Variants in CADM2 observed in about 807,000 individuals in gnomAD.
The protein encoded by CADM2 is cell adhesion molecule 2.
In CADM2, 12 loss-of-function variants were observed where a neutral mutation model predicts 49.8. That is an observed-to-expected ratio of 0.24 (90% CI 0.15 to 0.39). The LOEUF (loss-of-function observed/expected upper bound fraction) is 0.39, where lower values mean the gene tolerates loss of function less well. CADM2 is among the 10% of genes least tolerant of loss of function. The pLI is 1.00. For missense variants in CADM2, 378 were observed against 492.3 expected (o/e 0.77, Z 2.20); for synonymous variants, 214 against 175.4 (o/e 1.22, Z -1.74).
At chr3:85,066,330 G>A (rs2036528625) in intron 1 of CADM2, among the ~76,000 whole-genome samples, 1 of 151,574 alleles carries the variant, frequency 6.6e-6, no homozygotes, top group Non-Finnish European at 1.5e-5. Context: ...GACATGGTGG[G>A]TGGACCAATA....
chr3:85,542,317 G>A (rs1449403), intron 1 of CADM2, among the ~76,000 whole-genome samples: 12,480 of 152,080 alleles, frequency 0.082, 697 homozygotes, highest in South Asian at 0.17. Flanking sequence ...CCCAAAAGGA[G>A]TTTACCTAAA....
At chr3:85,755,568 A>G (rs1432957458) in intron 2 of CADM2, among the ~76,000 whole-genome samples, 1 of 152,136 alleles carries the variant, frequency 6.6e-6, no homozygotes, top group African/African-American at 2.4e-5. Flanking sequence ...TAAAGAAAAA[A>G]GTTTAATTGG....
At position 85,440,368 on chromosome 3, in the gene CADM2, G is replaced by A. The variant is rs538577593; in HGVS notation, c.62-286154G>A. 5.8e-4 allele frequency among the ~76,000 whole-genome samples: 88 copies of A among 152,180 alleles called. 1 individual carries two copies. Among genetic ancestry groups the A allele is most frequent in the Non-Finnish European group, 4.4e-4 (30 of 68,002 alleles). Reference sequence around the variant, plus strand: ...TTAACCTCTCCAGCCTTAGGTTTCCGACTGTAAAGTTAGTAGGTTGAACTG... The same window carrying A: ...TTAACCTCTCCAGCCTTAGGTTTCCAACTGTAAAGTTAGTAGGTTGAACTG... On this transcript the variant is annotated intron_variant, in intron 1 of 9. Transcript: ENST00000383699.
chr3:85,431,490 A>G (rs1283130726), intron 1 of CADM2, among the ~76,000 whole-genome samples: 1 of 152,124 alleles, frequency 6.6e-6, no homozygotes, highest in East Asian at 1.9e-4. Context: ...AGGAACATAT[A>G]TCACAAGATT....
chr3:85,954,666 G>A (rs534688795), intron 7 of CADM2, among the ~76,000 whole-genome samples: 2 of 151,156 alleles, frequency 1.3e-5, no homozygotes, highest in Non-Finnish European at 3.0e-5. Flanking sequence ...CTAAGCTAAA[G>A]TTTGTTCAGG....
chr3:85,346,234 C>A (rs910302770), intron 1 of CADM2, among the ~76,000 whole-genome samples: 11 of 152,128 alleles, frequency 7.2e-5, no homozygotes, highest in Admixed American at 4.6e-4. Context: ...GTCTTAGTAA[C>A]CATGATAAGT....
intron 1 of CADM2, among the ~76,000 whole-genome samples, chr3:85,006,190 G>C (rs2033717857): frequency 6.6e-6 from 1 of 152,090 alleles, no homozygotes; most frequent in Admixed American, 6.6e-5. Flanking sequence ...CAAACTTAGA[G>C]CTGACTCTGA....
chr3:85,821,993 G>A (rs1364618626), intron 3 of CADM2, among the ~76,000 whole-genome samples: 1 of 152,112 alleles, frequency 6.6e-6, no homozygotes, highest in Non-Finnish European at 1.5e-5. Context: ...ACAAAGTTAT[G>A]AGAGAAACAG....
At chr3:84,969,647 A>C (rs1245310730) in intron 1 of CADM2, among the ~76,000 whole-genome samples, 1 of 151,890 alleles carries the variant, frequency 6.6e-6, no homozygotes, top group Non-Finnish European at 1.5e-5. Context: ...AGTACTCCAA[A>C]TAGAATAAAT....
At chr3:86,014,106 C>T in intron 8 of CADM2, 1 of 1,286,788 alleles carries the variant, frequency 7.8e-7, no homozygotes, top group Non-Finnish European at 1.1e-6. Context: ...GGAAATCTGC[C>T]ATTTTCAGTG....
chr3:85,295,797 G>A (rs1262416615), intron 1 of CADM2, among the ~76,000 whole-genome samples: 1 of 152,010 alleles, frequency 6.6e-6, no homozygotes, highest in African/African-American at 2.4e-5. Context: ...GGAGAGGGGA[G>A]GGATAGCATT....
chr3:85,851,131 C>T (rs1177081805), intron 3 of CADM2, among the ~76,000 whole-genome samples: 1 of 152,092 alleles, frequency 6.6e-6, no homozygotes, highest in Non-Finnish European at 1.5e-5. Flanking sequence ...CACACTAAAA[C>T]ATTTTAATTG....
chr3:84,970,067 T>TTA (rs869106505), intron 1 of CADM2, among the ~76,000 whole-genome samples: 94 of 145,898 alleles, frequency 6.4e-4, no homozygotes, highest in Admixed American at 2.1e-3. Flanking sequence ...TTTTTTTTTT[T>TTA]ACTGCCAAGC....
chr3:85,761,915 G>A (rs1228372362), intron 2 of CADM2, among the ~76,000 whole-genome samples: 1 of 152,132 alleles, frequency 6.6e-6, no homozygotes, highest in Non-Finnish European at 1.5e-5. Context: ...CAACAGGTAG[G>A]GAAATGAGAG....
chr3:85,449,860 G>A (rs890454920), intron 1 of CADM2, among the ~76,000 whole-genome samples: 2 of 152,096 alleles, frequency 1.3e-5, no homozygotes, highest in African/African-American at 4.8e-5. Flanking sequence ...TAGTAGTGAC[G>A]TTGACAATAC....
At chr3:85,925,857 G>T (rs1719759581) in intron 6 of CADM2, among the ~76,000 whole-genome samples, 1 of 152,060 alleles carries the variant, frequency 6.6e-6, no homozygotes, top group Admixed American at 6.6e-5. Context: ...AAGAAAATAG[G>T]CCGGGCACAG....
intron 3 of CADM2, among the ~76,000 whole-genome samples, chr3:85,807,265 G>A (rs1205274994): frequency 6.6e-6 from 1 of 152,132 alleles, no homozygotes; most frequent in Non-Finnish European, 1.5e-5. Context: ...TTGGGAGGCT[G>A]TGGCAGGCGG....
At chr3:85,213,452 C>G (rs1206370371) in intron 1 of CADM2, among the ~76,000 whole-genome samples, 1 of 151,938 alleles carries the variant, frequency 6.6e-6, no homozygotes, top group African/African-American at 2.4e-5. Context: ...CATAGTGGAG[C>G]TCCTTTGTAT....
At chr3:85,524,835 T>C (rs1343226046) in intron 1 of CADM2, among the ~76,000 whole-genome samples, 1 of 152,218 alleles carries the variant, frequency 6.6e-6, no homozygotes, top group Non-Finnish European at 1.5e-5. Flanking sequence ...ATTACATGTG[T>C]AAATCCTTAG....
Sources: gnomAD v4.1 joint callset for allele counts (sites outside exome capture counted in the v4.1 genomes callset) on GRCh38, gnomAD v4.1.1 for gene constraint, MANE v1.5 for transcripts, NCBI Gene and HGNC (gene_info 2026-07-23, HGNC 2026-07-21) for gene names.